The following IMPG1 variants were observed in gnomAD, a reference collection of about 807,000 sequenced individuals.
IMPG1 encodes interphotoreceptor matrix proteoglycan of 150 kDa.
Under a neutral mutation model 92.0 loss-of-function variants are expected in IMPG1, and 85 were observed. The observed-to-expected ratio is 0.92, with a 90% CI of 0.78 to 1.11. The LOEUF (loss-of-function observed/expected upper bound fraction) is 1.11, where lower values mean the gene tolerates loss of function less well. Ranked by LOEUF, IMPG1 falls within the 50% of genes least tolerant of loss-of-function variation. The pLI is 0.00. For missense variants in IMPG1, 1,022 were observed against 956.0 expected (o/e 1.07, Z -0.91); for synonymous variants, 367 against 334.1 (o/e 1.10, Z -1.08).
At chr6:76,072,389 A>G (rs1316056368) in intron 1 of IMPG1, 33 bp downstream of exon 1, 2 of 1,174,916 alleles carry the variant, frequency 1.7e-6, no homozygotes, top group Non-Finnish European at 2.5e-6. Context: ...TTTATAGATA[A>G]GCAATTTAAA....
chr6:76,066,237 T>A lies in IMPG1; in HGVS notation c.67+6185A>T, dbSNP rs1784308346. 3.3e-5 allele frequency among the ~76,000 whole-genome samples: 5 copies of A among 152,102 alleles called. No homozygotes were observed. The South Asian group carries it at 1.0e-3, about 31-fold the overall frequency. On this transcript the variant is annotated intron_variant, in intron 1 of 16. Coordinates refer to ENST00000369950, the MANE Select transcript of IMPG1 (RefSeq NM_001563.4). ...TCCACATATTAATATTAACCTTGAA[T>A]GTAAGTGAATTAAATGCTCCACTTA...
intron 1 of IMPG1, among the ~76,000 whole-genome samples, chr6:76,062,866 T>C (rs1212272996): frequency 2.0e-5 from 3 of 152,100 alleles, no homozygotes; most frequent in South Asian, 4.2e-4. Context: ...TTTTTTTTTT[T>C]TTTTTTCCCC....
intron 14 of IMPG1, among the ~76,000 whole-genome samples, chr6:75,940,657 C>T (rs987244580): frequency 6.6e-6 from 1 of 152,028 alleles, no homozygotes; most frequent in African/African-American, 2.4e-5. Flanking sequence ...AACAAGACAC[C>T]AAAAGTGGAA....
At chr6:75,976,933 G>A (rs1485220184) in intron 12 of IMPG1, among the ~76,000 whole-genome samples, 1 of 151,466 alleles carries the variant, frequency 6.6e-6, no homozygotes, top group Admixed American at 6.6e-5. Flanking sequence ...AAAGAATCCT[G>A]AGGAGTTTCA....
intron 7 of IMPG1, 57 bp from the exon 8 acceptor site, chr6:76,011,281 C>A (rs764001292): frequency 7.3e-5 from 63 of 862,430 alleles, no homozygotes; most frequent in Non-Finnish European, 1.1e-4. Context: ...TCAGTTCTTG[C>A]CTAACTGAAA....
intron 14 of IMPG1, among the ~76,000 whole-genome samples, chr6:75,932,920 C>T (rs1489306092): frequency 1.3e-5 from 2 of 152,024 alleles, no homozygotes; most frequent in Admixed American, 6.5e-5. Flanking sequence ...AGGCTGGTCT[C>T]GAACTCCTGA....
At chr6:75,953,755 C>T (rs1309545533) in intron 12 of IMPG1, among the ~76,000 whole-genome samples, 1 of 151,720 alleles carries the variant, frequency 6.6e-6, no homozygotes, top group African/African-American at 2.4e-5. Flanking sequence ...AATGCTATTC[C>T]TCCCCTAATC....
intron 4 of IMPG1, among the ~76,000 whole-genome samples, chr6:76,028,132 A>G (rs1783582549): frequency 6.6e-6 from 1 of 152,216 alleles, no homozygotes; most frequent in African/African-American, 2.4e-5. Context: ...AATGTATGCT[A>G]TCAATCATAA....
intron 8 of IMPG1, 120 bp from the exon 9 acceptor site, chr6:76,007,620 C>T: frequency 1.5e-6 from 1 of 661,108 alleles, no homozygotes; most frequent in South Asian, 2.3e-5. Flanking sequence ...TCCATTGTCT[C>T]TTTTGTTTGT....
intron 1 of IMPG1, among the ~76,000 whole-genome samples, chr6:76,057,980 A>G (rs1256623188): frequency 6.6e-6 from 1 of 151,938 alleles, no homozygotes; most frequent in East Asian, 1.9e-4. Context: ...AAAATAAAAT[A>G]AAATAAAATA....
chr6:75,965,526 G>A (rs1433509814), intron 12 of IMPG1, among the ~76,000 whole-genome samples: 2 of 149,358 alleles, frequency 1.3e-5, no homozygotes, highest in East Asian at 2.0e-4. Context: ...TTGGTAAAAT[G>A]TCCATTCTTA....
At chr6:76,028,546 AG>A (rs1783593197) in intron 4 of IMPG1, among the ~76,000 whole-genome samples, 1 of 152,198 alleles carries the variant, frequency 6.6e-6, no homozygotes, top group Non-Finnish European at 1.5e-5. Flanking sequence ...TTAACAAGTA[AG>A]GGCCGGACAC....
intron 12 of IMPG1, among the ~76,000 whole-genome samples, chr6:75,983,730 A>G (rs887044693): frequency 6.6e-6 from 1 of 152,190 alleles, no homozygotes; most frequent in Admixed American, 6.5e-5. Flanking sequence ...GACAAACAGG[A>G]TTACATAAAC....
At chr6:76,060,815 C>A (rs755717304) in intron 1 of IMPG1, among the ~76,000 whole-genome samples, 3 of 152,154 alleles carry the variant, frequency 2.0e-5, no homozygotes, top group African/African-American at 4.8e-5. Flanking sequence ...ACCTCACTTA[C>A]CCCTGAGTGT....
intron 12 of IMPG1, among the ~76,000 whole-genome samples, chr6:76,000,715 T>C (rs1292417305): frequency 6.6e-6 from 1 of 152,124 alleles, no homozygotes; most frequent in South Asian, 2.1e-4. Context: ...GACTGCTAAA[T>C]TGATCAATTA....
chr6:75,935,835 A>T (rs1035904475), intron 14 of IMPG1, among the ~76,000 whole-genome samples: 2 of 152,228 alleles, frequency 1.3e-5, no homozygotes, highest in African/African-American at 4.8e-5. Context: ...ACTAATAGTC[A>T]TGAAGGCAAA....
intron 12 of IMPG1, among the ~76,000 whole-genome samples, chr6:75,955,476 TTATCAGC>T (rs1167026498): frequency 6.6e-6 from 1 of 152,206 alleles, no homozygotes; most frequent in African/African-American, 2.4e-5. Flanking sequence ...ATTCTGAGAC[TTATCAGC>T]TTAAGGAGAT....
intron 1 of IMPG1, among the ~76,000 whole-genome samples, chr6:76,043,748 T>C (rs985746831): frequency 2.0e-5 from 3 of 152,190 alleles, no homozygotes; most frequent in African/African-American, 4.8e-5. Flanking sequence ...AGTAAGAAAG[T>C]TGTCACCTCC....
At chr6:76,018,954 G>T (rs964686777) in intron 6 of IMPG1, 96 bp from the exon 7 acceptor site, 2 of 1,121,038 alleles carry the variant, frequency 1.8e-6, no homozygotes, top group Non-Finnish European at 2.4e-6. Flanking sequence ...TCAAGAAGTG[G>T]ATTATGAAGG....
Sources: gnomAD v4.1 joint callset for allele counts (sites outside exome capture counted in the v4.1 genomes callset) on GRCh38, gnomAD v4.1.1 for gene constraint, MANE v1.5 for transcripts, NCBI Gene and HGNC (gene_info 2026-07-23, HGNC 2026-07-21) for gene names.